SORCS1: variants seen among roughly 807,000 people sequenced by gnomAD.
The protein encoded by SORCS1 is VPS10 domain-containing receptor SorCS1.
In SORCS1, 60 loss-of-function variants were observed where a neutral mutation model predicts 146.1. The ratio of observed to expected loss-of-function variants is 0.41; its 90% CI spans 0.33 to 0.51. The LOEUF is 0.51. SORCS1 is among the 20% of genes least tolerant of loss of function. The pLI is 0.21. For missense variants in SORCS1, 1,352 were observed against 1,487.6 expected, an observed-to-expected ratio of 0.91 and a Z score of 1.50; for synonymous variants, 637 against 584.0, an observed-to-expected ratio of 1.09 and a Z score of -1.31.
chr10:106,675,284 T>C (rs1851941750), intron 13 of SORCS1, 128 bp from the exon 14 acceptor site: 1 of 650,564 alleles, frequency 1.5e-6, no homozygotes, highest in Admixed American at 3.1e-5. Flanking sequence ...AAAATGAGCC[T>C]TTCATATGAA....
chr10:107,044,588 C>T (rs1008475316), intron 1 of SORCS1, among the ~76,000 whole-genome samples: 2 of 147,060 alleles, frequency 1.4e-5, no homozygotes, highest in African/African-American at 5.0e-5. Flanking sequence ...CTTTGGGAGG[C>T]CAAGGTAGGT....
Position 106,945,408 on chromosome 10 carries a change from C to T in SORCS1, c.626+11105G>A, listed in dbSNP as rs111271329. On this transcript the variant is annotated intron_variant, in intron 2 of 25. Coordinates refer to ENST00000263054, the MANE Select transcript of SORCS1 (RefSeq NM_052918.5). ...GCACTTAATTTTCATTGTTTGATTG[C>T]TTATTAAGCTTAAATTTTGACATAA... Among the ~76,000 whole-genome samples the T allele has an allele frequency of 2.3e-3, 352 of 152,136 alleles. 1 individual carries two copies. The highest frequency in any genetic ancestry group is 4.2e-3 in the South Asian group (20 of 4,810).
intron 5 of SORCS1, among the ~76,000 whole-genome samples, chr10:106,747,945 T>A (rs1410945771): frequency 6.6e-6 from 1 of 152,206 alleles, no homozygotes; most frequent in Non-Finnish European, 1.5e-5. Context: ...AATGAATAAA[T>A]AATGCCACCT....
intron 2 of SORCS1, among the ~76,000 whole-genome samples, chr10:106,903,008 G>T (rs549985610): frequency 6.6e-6 from 1 of 152,198 alleles, no homozygotes; most frequent in African/African-American, 2.4e-5. Context: ...AACTCAGGAG[G>T]TGGAGGTTGC....
At chr10:107,141,803 A>T (rs1277342661) in intron 1 of SORCS1, among the ~76,000 whole-genome samples, 1 of 152,220 alleles carries the variant, frequency 6.6e-6, no homozygotes, top group Non-Finnish European at 1.5e-5. Context: ...TATGTCCTGC[A>T]CACAGGGAAC....
At chr10:107,150,546 C>T (rs143557614) in intron 1 of SORCS1, among the ~76,000 whole-genome samples, 163 of 152,296 alleles carry the variant, frequency 1.1e-3, no homozygotes, top group African/African-American at 3.8e-3. Flanking sequence ...GGAAGGGCAC[C>T]GTCTTCTTAG....
chr10:106,668,795 T>A (rs1000516201), intron 16 of SORCS1, among the ~76,000 whole-genome samples: 4 of 152,100 alleles, frequency 2.6e-5, no homozygotes, highest in Admixed American at 2.6e-4. Context: ...GGACAACCAG[T>A]GTTTGCTTCA....
chr10:106,860,943 G>T (rs941743186), intron 2 of SORCS1, among the ~76,000 whole-genome samples: 1 of 152,174 alleles, frequency 6.6e-6, no homozygotes, highest in Non-Finnish European at 1.5e-5. Flanking sequence ...AGTTGTGAAT[G>T]CACTGTACTT....
chr10:106,743,275 A>C (rs1286216657), intron 5 of SORCS1, among the ~76,000 whole-genome samples: 3 of 152,042 alleles, frequency 2.0e-5, no homozygotes, highest in Non-Finnish European at 4.4e-5. Context: ...GAAAGGGAGG[A>C]AAGAGAAGCC....
At chr10:106,733,420 C>A (rs1856747823) in intron 5 of SORCS1, among the ~76,000 whole-genome samples, 1 of 152,150 alleles carries the variant, frequency 6.6e-6, no homozygotes, top group South Asian at 2.1e-4. Flanking sequence ...CTAGTGAGTT[C>A]TTAATTGCTG....
At chr10:106,932,574 C>G (rs952429902) in intron 2 of SORCS1, among the ~76,000 whole-genome samples, 8 of 152,124 alleles carry the variant, frequency 5.3e-5, no homozygotes, top group Non-Finnish European at 1.0e-4. Flanking sequence ...AAAATGACAC[C>G]TTAGCAAGAC....
At chr10:106,856,030 T>G (rs1949773976) in intron 2 of SORCS1, among the ~76,000 whole-genome samples, 1 of 49,110 alleles carries the variant, frequency 2.0e-5, no homozygotes, top group African/African-American at 9.1e-5. Context: ...GACACAACAT[T>G]TTTTTTTTTT....
At chr10:107,012,007 T>C (rs909929096) in intron 1 of SORCS1, among the ~76,000 whole-genome samples, 3 of 152,228 alleles carry the variant, frequency 2.0e-5, no homozygotes, top group African/African-American at 7.2e-5. Flanking sequence ...ATCATTTTTT[T>C]AGTAATTTTT....
At position 106,832,448 on chromosome 10, in the gene SORCS1, C is replaced by T. The variant is rs560593521; in HGVS notation, c.627-2775G>A. Among the ~76,000 whole-genome samples the T allele has an allele frequency of 6.8e-4, 104 of 152,216 alleles. 1 individual carries two copies. The highest frequency in any genetic ancestry group is 2.3e-3 in the African/African-American group (97 of 41,534). On this transcript the variant is annotated intron_variant, in intron 2 of 25. Transcript: ENST00000263054. ...AGGTGATCCACCCGCCTCAAACTCT[C>T]GAAGTTCTGGGATTACAGGTGTGAG... is the stretch of plus-strand genomic sequence containing the variant.
chr10:106,706,207 A>ACAG (rs1564880082), intron 8 of SORCS1, among the ~76,000 whole-genome samples: 5 of 150,626 alleles, frequency 3.3e-5, no homozygotes, highest in African/African-American at 1.2e-4. Context: ...AGAAAGAAAG[A>ACAG]AAAAAGAAAG....
At chr10:107,091,695 G>A (rs1463325623) in intron 1 of SORCS1, among the ~76,000 whole-genome samples, 1 of 152,040 alleles carries the variant, frequency 6.6e-6, no homozygotes, top group Non-Finnish European at 1.5e-5. Context: ...TTACCTGAGA[G>A]TCCCTTCAAG....
At chr10:106,664,297 AAAATTACTTAATCGTCACTG>A (rs776024196) in intron 17 of SORCS1, among the ~76,000 whole-genome samples, 21 of 152,306 alleles carry the variant, frequency 1.4e-4, no homozygotes, top group Middle Eastern at 3.4e-3. Flanking sequence ...TTTTGAATAT[AAAATTACTTAATCGTCACTG>A]ATGTTTTATT....
intron 2 of SORCS1, among the ~76,000 whole-genome samples, chr10:106,945,854 A>G (rs1049944862): frequency 4.6e-5 from 7 of 152,244 alleles, no homozygotes; most frequent in African/African-American, 1.7e-4. Context: ...AGATGGTCTC[A>G]CACATCTCAG....
intron 2 of SORCS1, among the ~76,000 whole-genome samples, chr10:106,856,057 C>T (rs1394650409): frequency 8.0e-5 from 12 of 149,726 alleles, no homozygotes; most frequent in African/African-American, 2.7e-4. Flanking sequence ...GACAGAGTCT[C>T]GCTCTGTCAC....
Sources: allele counts gnomAD v4.1 joint callset (sites outside exome capture counted in the v4.1 genomes callset), GRCh38; gene constraint gnomAD v4.1.1; transcripts MANE v1.5; gene names NCBI Gene and HGNC (gene_info 2026-07-23, HGNC 2026-07-21).